BPTF: variants seen among roughly 807,000 people sequenced by gnomAD.
BPTF encodes nucleosome-remodeling factor subunit BPTF.
In BPTF, 18 loss-of-function variants were observed where a neutral mutation model predicts 292.5. The observed-to-expected ratio is 0.06, with a 90% CI of 0.04 to 0.09. BPTF has a LOEUF of 0.09. Ranked by LOEUF, BPTF falls within the 10% of genes least tolerant of loss-of-function variation. BPTF has a pLI of 1.00. For missense variants in BPTF, 2,726 were observed against 3,498.7 expected (o/e 0.78, Z 5.57); for synonymous variants, 1,225 against 1,251.9 (o/e 0.98, Z 0.45).
At position 67,945,773 on chromosome 17, in the gene BPTF, T is replaced by C. The variant is rs782086407; in HGVS notation, c.7065T>C (p.Thr2355=). Residue 2355 remains threonine (T), a synonymous_variant, in exon 21 of 28, where the codon ACT becomes ACC. Coordinates refer to ENST00000306378, the MANE Select transcript of BPTF (RefSeq NM_182641.4). ...CACAGACTCGAATACGTCCATCAAC[T>C]CCATCCCAACTGTCTCCTGGACAAC... ...SPSQTRIRPS[T]PSQLSPGQQS... The C allele has an allele frequency of 2.5e-6, 4 of 1,614,088 alleles. No individual in the cohort carries two copies. Among genetic ancestry groups the C allele is most frequent in the Non-Finnish European group, 2.5e-6 (3 of 1,180,018 alleles).
intron 1 of BPTF, among the ~76,000 whole-genome samples, chr17:67,847,526 AATT>A (rs1215662243): frequency 1.3e-5 from 2 of 151,002 alleles, no homozygotes; most frequent in Non-Finnish European, 3.0e-5. Context: ...AAAAAAAAAA[AATT>A]ATCCGGGTGT....
chr17:67,966,079 A>G (rs112882142), intron 25 of BPTF: 442 of 157,360 alleles, frequency 2.8e-3, no homozygotes, highest in African/African-American at 0.01. Flanking sequence ...AAATAAAAGG[A>G]TATAGTGCAC....
rs1422912988 is a variant in BPTF, at chr17:67,912,065, A to C, written c.4181A>C (p.Glu1394Ala). The change falls in exon 11 of 28, where the codon GAG (glutamate) becomes GCG (alanine). Residue 1394 changes from glutamate (E) to alanine (A), a missense_variant. Around this residue, in one of 22 missense-constraint regions of BPTF, gnomAD observed 713 missense variants for 714.9 expected, o/e 1.00. Coordinates refer to ENST00000306378, the MANE Select transcript of BPTF (RefSeq NM_182641.4). The part of the protein sequence containing the change: ...TTDKKNNENR[E>A]SEKKGQRTST... ...GACAAAAAGAATAATGAAAATCGAG[A>C]GTCTGAAAAGAAAGGACAGAGAACA... 1.9e-6 allele frequency: 3 copies of C among 1,610,688 alleles called. No individual in the cohort carries two copies. In the South Asian group the frequency reaches 3.3e-5, roughly 18 times the overall value.
intron 8 of BPTF, 48 bp downstream of exon 8, chr17:67,903,966 CTT>C: frequency 6.7e-7 from 1 of 1,490,032 alleles, no homozygotes. Context: ...ATTTCTGAGA[CTT>C]TTATTCTGAA....
intron 4 of BPTF, among the ~76,000 whole-genome samples, chr17:67,883,111 G>C (rs1265782882): frequency 1.3e-5 from 2 of 151,754 alleles, no homozygotes; most frequent in East Asian, 3.9e-4. Context: ...TCAGGAGTTC[G>C]AGACCAGCCT....
chr17:67,978,830 G>A (rs782793228), intron 27 of BPTF, among the ~76,000 whole-genome samples: 1 of 152,000 alleles, frequency 6.6e-6, no homozygotes, highest in Non-Finnish European at 1.5e-5. Flanking sequence ...AGAACGTCAG[G>A]GATAAAAATG....
chr17:67,870,101 A>T (rs953387617), intron 3 of BPTF, among the ~76,000 whole-genome samples: 1 of 151,978 alleles, frequency 6.6e-6, no homozygotes, highest in Non-Finnish European at 1.5e-5. Context: ...GTTCTTAGAA[A>T]GTTAGATGAC....
At chr17:67,966,468 A>G (rs1170117129) in intron 25 of BPTF, 104 bp from the exon 26 acceptor site, 4 of 997,458 alleles carry the variant, frequency 4.0e-6, no homozygotes, top group Non-Finnish European at 6.2e-6. Flanking sequence ...CATGTATCAA[A>G]TTTAAAACTC....
intron 9 of BPTF, among the ~76,000 whole-genome samples, chr17:67,905,138 G>T (rs1454326392): frequency 6.6e-6 from 1 of 152,096 alleles, no homozygotes; most frequent in Non-Finnish European, 1.5e-5. Flanking sequence ...AGCCAGGCGC[G>T]GTGGTTCACG....
At chr17:67,907,925 T>G (rs1347046680) in intron 9 of BPTF, among the ~76,000 whole-genome samples, 1 of 152,200 alleles carries the variant, frequency 6.6e-6, no homozygotes, top group Non-Finnish European at 1.5e-5. Flanking sequence ...ACAGATTGCC[T>G]TTGATCCTTT....
chr17:67,861,442 G>A (rs1344093429), intron 2 of BPTF, among the ~76,000 whole-genome samples: 1 of 149,954 alleles, frequency 6.7e-6, no homozygotes, highest in African/African-American at 2.4e-5. Context: ...AGCGACTCCC[G>A]AGTGGGTGGG....
At chr17:67,918,051 G>C (rs536296225) in intron 11 of BPTF, among the ~76,000 whole-genome samples, 2 of 151,526 alleles carry the variant, frequency 1.3e-5, no homozygotes, top group Admixed American at 1.3e-4. Flanking sequence ...TGCCCACCTC[G>C]GCCTCCCAAA....
chr17:67,955,726 C>T (rs1426449354), intron 23 of BPTF: 1 of 151,898 alleles, frequency 6.6e-6, no homozygotes, highest in Non-Finnish European at 1.5e-5. Flanking sequence ...ACTTGGGAGG[C>T]TGAGGGAGGA....
At chr17:67,856,796 T>C (rs1323052854) in intron 2 of BPTF, among the ~76,000 whole-genome samples, 1 of 152,144 alleles carries the variant, frequency 6.6e-6, no homozygotes. Flanking sequence ...ACTACTTGTA[T>C]TGTCACTTAA....
intron 27 of BPTF, among the ~76,000 whole-genome samples, chr17:67,978,142 C>T (rs550763390): frequency 2.6e-5 from 4 of 151,602 alleles, no homozygotes; most frequent in Non-Finnish European, 5.9e-5. Flanking sequence ...GCGTGAGCCA[C>T]CGCACCCGGC....
intron 7 of BPTF, among the ~76,000 whole-genome samples, chr17:67,901,680 A>C (rs73336768): frequency 0.017 from 2,646 of 152,358 alleles, 77 homozygotes; most frequent in African/African-American, 0.061. Context: ...TTCTCTCATA[A>C]TTAAAAACAA....
rs954251597 is a variant in BPTF at position 67,892,171 on chromosome 17, T to G, written c.2055+137T>G. The G allele has an allele frequency of 4.3e-6, 3 of 692,758 alleles. No individual in the cohort carries two copies. In the African/African-American group the frequency reaches 5.6e-5, roughly 13 times the overall value. 42.9% of individuals were successfully genotyped at this position (692,758 alleles called of 1,614,324 possible). A position where few individuals can be genotyped will look rare whatever the true frequency, so the allele number is the denominator to read the frequency against. On this transcript the variant is annotated intron_variant, in intron 5 of 27. Coordinates refer to ENST00000306378, the MANE Select transcript of BPTF (RefSeq NM_182641.4). Reference sequence around the variant, plus strand: ...ATTATATTTTCTCTGTTTCCGAAACTGTAGTAGTTAACAAGACTGAAAGTA... The same window carrying G: ...ATTATATTTTCTCTGTTTCCGAAACGGTAGTAGTTAACAAGACTGAAAGTA...
chr17:67,925,668 T>C (rs1168677817), intron 15 of BPTF, among the ~76,000 whole-genome samples: 3 of 152,176 alleles, frequency 2.0e-5, no homozygotes, highest in East Asian at 3.8e-4. Flanking sequence ...TGAGTAGATA[T>C]ATCTATATAC....
Position 67,853,878 on chromosome 17 carries a change from A to G in BPTF, c.614-62A>G, listed in dbSNP as rs1258284069. ...ATTTTAGGGGGGTATATGTTCAAATAGGAAATTTGTAGAAATGATGTAATG... is the reference window on the plus strand; with the variant it reads ...ATTTTAGGGGGGTATATGTTCAAATGGGAAATTTGTAGAAATGATGTAATG... On this transcript the variant is annotated intron_variant, in intron 1 of 27. Transcript: ENST00000306378. The G allele has an allele frequency of 2.2e-5, 30 of 1,345,832 alleles. No individual in the cohort carries two copies. In the South Asian group the frequency reaches 2.7e-4, roughly 12 times the overall value. The allele number at this position is 1,345,832 out of a possible 1,614,324, so 83.4% of individuals were successfully genotyped here.
Sources: gnomAD v4.1 joint callset for allele counts (sites outside exome capture counted in the v4.1 genomes callset) on GRCh38, gnomAD v4.1.1 for gene constraint, gnomAD v4.1.1 regional missense constraint, MANE v1.5 for transcripts, NCBI Gene and HGNC (gene_info 2026-07-23, HGNC 2026-07-21) for gene names.